LRRC4C: variants seen among roughly 807,000 people sequenced by gnomAD.
LRRC4C encodes leucine rich repeat containing 4C, also known as leucine-rich repeat-containing protein 4C.
A neutral mutation model predicts 33.6 loss-of-function variants in LRRC4C; 5 were observed. The observed-to-expected ratio is 0.15, with a 90% CI of 0.08 to 0.31. The LOEUF is 0.31. LRRC4C is among the 10% of genes least tolerant of loss of function. LRRC4C has a pLI of 1.00. For synonymous variants in LRRC4C, 329 were observed against 302.0 expected, an observed-to-expected ratio of 1.09 and a Z score of -0.93; for missense variants, 560 against 796.7, an observed-to-expected ratio of 0.70 and a Z score of 3.58.
intron 6 of LRRC4C, among the ~76,000 whole-genome samples, chr11:40,132,151 G>C (rs370440742): frequency 6.6e-6 from 1 of 152,184 alleles, no homozygotes; most frequent in East Asian, 1.9e-4. Context: ...TGCTTGAAAG[G>C]TCTGTTAGAG....
chr11:40,780,261 T>A (rs1237582898), intron 2 of LRRC4C, among the ~76,000 whole-genome samples: 2 of 152,178 alleles, frequency 1.3e-5, no homozygotes, highest in African/African-American at 4.8e-5. Context: ...TAAAAAATTA[T>A]CACCTTAAAA....
intron 4 of LRRC4C, among the ~76,000 whole-genome samples, chr11:40,253,198 T>A (rs917722499): frequency 1.3e-5 from 2 of 152,366 alleles, no homozygotes; most frequent in East Asian, 1.9e-4. Context: ...TATCTAAGGT[T>A]ACTTCTGGAC....
intron 1 of LRRC4C, among the ~76,000 whole-genome samples, chr11:41,391,230 AAAG>A (rs1302498478): frequency 6.6e-6 from 1 of 150,992 alleles, no homozygotes; most frequent in African/African-American, 2.4e-5. Context: ...CAGTAAGTCC[AAAG>A]TGAATGGAAA....
intron 2 of LRRC4C, among the ~76,000 whole-genome samples, chr11:40,648,592 T>C (rs1157271809): frequency 1.3e-5 from 2 of 152,204 alleles, no homozygotes; most frequent in African/African-American, 4.8e-5. Flanking sequence ...TGCTTGTTAC[T>C]TCATGAGGTA....
chr11:40,964,512 C>T (rs893313184), intron 1 of LRRC4C, among the ~76,000 whole-genome samples: 1 of 133,626 alleles, frequency 7.5e-6, no homozygotes, highest in African/African-American at 2.7e-5. Flanking sequence ...TAATGCTATC[C>T]CTTCCCCCTC....
chr11:41,442,261 A>G (rs1024787849), intron 1 of LRRC4C, among the ~76,000 whole-genome samples: 2 of 152,048 alleles, frequency 1.3e-5, no homozygotes, highest in Non-Finnish European at 2.9e-5. Flanking sequence ...GACCCATAAT[A>G]CAAAGTCAAA....
intron 5 of LRRC4C, among the ~76,000 whole-genome samples, chr11:40,217,114 T>G (rs1187216812): frequency 6.6e-6 from 1 of 152,194 alleles, no homozygotes; most frequent in Non-Finnish European, 1.5e-5. Flanking sequence ...TTAAGCTACA[T>G]GGAATTAACA....
intron 3 of LRRC4C, among the ~76,000 whole-genome samples, chr11:40,478,698 C>T (rs886688177): frequency 6.6e-6 from 1 of 152,072 alleles, no homozygotes; most frequent in Admixed American, 6.6e-5. Context: ...ACAGAGGAAT[C>T]CAGTAAAAAC....
intron 3 of LRRC4C, among the ~76,000 whole-genome samples, chr11:40,379,912 G>C (rs990805368): frequency 2.0e-5 from 3 of 152,112 alleles, no homozygotes; most frequent in African/African-American, 7.2e-5. Flanking sequence ...GAATCTCTGG[G>C]GGCAGAGCTG....
At chr11:40,739,869 G>T (rs1161899958) in intron 2 of LRRC4C, among the ~76,000 whole-genome samples, 3 of 151,824 alleles carry the variant, frequency 2.0e-5, no homozygotes, top group African/African-American at 7.3e-5. Flanking sequence ...TCAGGTAGCA[G>T]TGTGAGAAAA....
intron 2 of LRRC4C, among the ~76,000 whole-genome samples, chr11:40,877,440 C>G (rs1209241772): frequency 6.6e-6 from 1 of 152,148 alleles, no homozygotes; most frequent in Non-Finnish European, 1.5e-5. Flanking sequence ...TCAACATCAG[C>G]AGACTCATCA....
chr11:40,345,583 A>T (rs959801321), intron 3 of LRRC4C, among the ~76,000 whole-genome samples: 5 of 152,190 alleles, frequency 3.3e-5, no homozygotes, highest in African/African-American at 9.6e-5. Flanking sequence ...TAATACCTAC[A>T]ACTATAAAAA....
chr11:41,132,510 G>A (rs1178186178), intron 1 of LRRC4C, among the ~76,000 whole-genome samples: 2 of 151,864 alleles, frequency 1.3e-5, no homozygotes, highest in African/African-American at 4.8e-5. Flanking sequence ...TTTTGTATAA[G>A]AGAAAAAAAT....
chr11:41,409,563 A>T (rs1400998365), intron 1 of LRRC4C, among the ~76,000 whole-genome samples: 1 of 152,326 alleles, frequency 6.6e-6, no homozygotes, highest in Non-Finnish European at 1.5e-5. Flanking sequence ...AGACATAGAC[A>T]TGTTAATTCC....
intron 1 of LRRC4C, among the ~76,000 whole-genome samples, chr11:41,288,354 G>A (rs1949894621): frequency 6.6e-6 from 1 of 152,140 alleles, no homozygotes; most frequent in Admixed American, 6.5e-5. Context: ...CTCTATAACG[G>A]TGACTAGAAA....
intron 2 of LRRC4C, among the ~76,000 whole-genome samples, chr11:40,914,101 C>G (rs1488640232): frequency 6.6e-6 from 1 of 152,116 alleles, no homozygotes; most frequent in Non-Finnish European, 1.5e-5. Context: ...GATTCACAGC[C>G]AAATTCTACC....
chr11:40,703,569 G>C (rs537460005), intron 2 of LRRC4C, among the ~76,000 whole-genome samples: 6 of 152,138 alleles, frequency 3.9e-5, no homozygotes, highest in African/African-American at 1.4e-4. Flanking sequence ...TCAAAAGAGA[G>C]AGACAGAGAG....
intron 1 of LRRC4C, among the ~76,000 whole-genome samples, chr11:41,438,089 C>A (rs986135070): frequency 3.2e-5 from 4 of 124,496 alleles, no homozygotes; most frequent in Non-Finnish European, 7.5e-5. Flanking sequence ...AAAATAATTA[C>A]AATATGGTAC....
intron 3 of LRRC4C, among the ~76,000 whole-genome samples, chr11:40,602,769 A>C (rs1251516114): frequency 6.6e-6 from 1 of 152,216 alleles, no homozygotes; most frequent in Non-Finnish European, 1.5e-5. Flanking sequence ...AATCCGAAAC[A>C]GCAGGTACAG....
Sources: allele counts gnomAD v4.1 joint callset (sites outside exome capture counted in the v4.1 genomes callset), GRCh38; gene constraint gnomAD v4.1.1; transcripts MANE v1.5; gene names NCBI Gene and HGNC (gene_info 2026-07-23, HGNC 2026-07-21).